TTBK1: variants seen among roughly 807,000 people sequenced by gnomAD.
The protein encoded by TTBK1 is tau-tubulin kinase 1.
A neutral mutation model predicts 108.5 loss-of-function variants in TTBK1; 34 were observed. That is an observed-to-expected ratio of 0.31 (90% CI 0.24 to 0.42). The LOEUF (loss-of-function observed/expected upper bound fraction) is 0.42, where lower values mean the gene tolerates loss of function less well. TTBK1 is among the 10% of genes least tolerant of loss of function. TTBK1 has a pLI of 1.00. For synonymous variants in TTBK1, 809 were observed against 795.1 expected (o/e 1.02, Z -0.29); for missense variants, 1,539 against 1,826.0 (o/e 0.84, Z 2.86).
chr6:43,263,430 G>A lies in TTBK1; in HGVS notation c.1986+80G>A, dbSNP rs1283587798. ...TGTAGGCCTGGGGTGCTCCATGTGT[G>A]CTGGCACTACTGACCAGTAAGCCAG... On this transcript the variant is annotated intron_variant, in intron 13 of 14. Transcript: ENST00000259750. This position sits in a 1 kb window ranked among gnomAD's most constrained non-coding sequence, Gnocchi z 4.7. The A allele has an allele frequency of 4.5e-6, 6 of 1,320,614 alleles. No homozygotes were observed. The highest frequency in any genetic ancestry group is 5.0e-6 in the Non-Finnish European group (5 of 996,472). The allele number at this position is 1,320,614 out of a possible 1,614,324, so 81.8% of individuals were successfully genotyped here.
chr6:43,270,354 G>A (rs1570222), intron 13 of TTBK1: 99,416 of 1,011,894 alleles, frequency 0.098, 8,114 homozygotes, highest in African/African-American at 0.4. Flanking sequence ...GTGATCTCTT[G>A]GCATGGCTGG....
intron 13 of TTBK1, chr6:43,270,463 G>T: frequency 1.0e-6 from 1 of 980,088 alleles, no homozygotes; most frequent in Non-Finnish European, 1.2e-6. Context: ...GTGTGTCCCT[G>T]TGTATGGATG....
chr6:43,254,995 G>A lies in TTBK1; in HGVS notation c.577-54G>A, dbSNP rs1418535261. 8 of 1,548,936 alleles carry A rather than the reference G, an allele frequency of 5.2e-6. No individual in the cohort carries two copies. The African/African-American group carries it at 9.5e-5, about 18-fold the overall frequency. On this transcript the variant is annotated intron_variant, in intron 6 of 14. Coordinates refer to ENST00000259750, the MANE Select transcript of TTBK1 (RefSeq NM_032538.3). ...TTAGACTTGGTGGCAGGGTTGAGAG[G>A]TGGCTGAGGTGAGGGCATGGTGGGT...
intron 13 of TTBK1, chr6:43,272,673 A>T (rs1264259630): frequency 2.0e-6 from 2 of 985,122 alleles, no homozygotes; most frequent in African/African-American, 3.5e-5. Context: ...TGACTCTTGG[A>T]GATTGTTAAG....
intron 1 of TTBK1, among the ~76,000 whole-genome samples, chr6:43,245,831 C>T (rs1441778546): frequency 6.6e-6 from 1 of 152,192 alleles, no homozygotes; most frequent in African/African-American, 2.4e-5. Flanking sequence ...CTCCTGCCTC[C>T]TGCTAGGCCC....
In TTBK1 at chr6:43,276,525, AC is replaced by A. The variant is rs1046513897; in HGVS notation, c.1987-6201del. On this transcript the variant is annotated intron_variant, in intron 13 of 14. Coordinates refer to ENST00000259750, the MANE Select transcript of TTBK1 (RefSeq NM_032538.3). This position sits in a 1 kb window ranked among gnomAD's most constrained non-coding sequence, Gnocchi z 5.4. ...CGCACCCACGCGCACACGGCCGCGC[AC>A]GGGCGGGGAGGGGGCGCCCCGCCGT... 6.6e-6 allele frequency among the ~76,000 whole-genome samples: 1 copy of A among 152,170 alleles called. No homozygotes were observed. Among genetic ancestry groups the A allele is most frequent in the African/African-American group, 2.4e-5 (1 of 41,454 alleles).
rs912461239 is a variant in TTBK1, at chr6:43,269,535, C to G, written c.1986+6185C>G. The G allele has an allele frequency of 1.5e-6, 2 of 1,310,086 alleles. No homozygotes were observed. The highest frequency in any genetic ancestry group is 6.2e-5 in the Admixed American group (2 of 32,364). 81.2% of individuals were successfully genotyped at this position (1,310,086 alleles called of 1,614,324 possible). A position where few individuals can be genotyped will look rare whatever the true frequency, so the allele number is the denominator to read the frequency against. The stretch of plus-strand genomic sequence containing the variant: ...CCCTGCCTGACCCCGCCCACTTGCC[C>G]GGGACGCCGGCGCCGCAGGGGCTGT... On this transcript the variant is annotated intron_variant, in intron 13 of 14. Transcript: ENST00000259750. The surrounding 1 kb of genome is among the most constrained non-coding windows in gnomAD (Gnocchi z 4.8).
chr6:43,264,574 G>C (rs1777627986), intron 13 of TTBK1, among the ~76,000 whole-genome samples: 1 of 152,174 alleles, frequency 6.6e-6, no homozygotes, highest in Non-Finnish European at 1.5e-5. Flanking sequence ...AGTGAGGGCA[G>C]AAGCTGAGAG....
rs370359466 is a variant in TTBK1, at chr6:43,255,756, A to G, written c.761A>G (p.Lys254Arg). 53 of 1,614,166 alleles carry G rather than the reference A, an allele frequency of 3.3e-5. 1 individual carries two copies. The Middle Eastern group carries it at 4.9e-4, about 15-fold the overall frequency. ...DKEQVGMIKE[K>R]YEHRMLLKHM... ...GAACAGGTAGGGATGATCAAGGAGA[A>G]GTATGAGCACCGGATGCTGCTGAAG... Residue 254 changes from lysine to arginine, a missense_variant, in exon 9 of 15, where the codon AAG becomes AGG. Lys to Arg is a conservative substitution (Grantham distance 26). Transcript: ENST00000259750.
rs142473813 is a variant in TTBK1, at chr6:43,257,901, C to T, written c.951C>T (p.Ala317=). 5.3e-4 allele frequency: 857 copies of T among 1,613,922 alleles called. 1 individual carries two copies. In the African/African-American group the frequency reaches 9.4e-3, roughly 18 times the overall value. ...ACTGGGAGAAGGCAGGCACCGATGCCCTCCTGTCCACGAGCACCTCTACCC... is the reference window on the plus strand; with the variant it reads ...ACTGGGAGAAGGCAGGCACCGATGCTCTCCTGTCCACGAGCACCTCTACCC... ...AFDWEKAGTD[A]LLSTSTSTPP... is the part of the protein sequence containing the mutation. The change falls in exon 10 of 15, where the codon GCC becomes GCT. Residue 317 remains alanine, a synonymous_variant. Coordinates refer to ENST00000259750, the MANE Select transcript of TTBK1 (RefSeq NM_032538.3). The surrounding 1 kb of genome is among the most constrained non-coding windows in gnomAD (Gnocchi z 4.5).
chr6:43,271,457 C>T (rs1562094184), intron 13 of TTBK1: 7 of 985,372 alleles, frequency 7.1e-6, no homozygotes, highest in Non-Finnish European at 8.4e-6. Flanking sequence ...TGTTAGGGAG[C>T]CAGAAAGATG....
At chr6:43,280,793 G>T (rs149567785) in intron 13 of TTBK1, among the ~76,000 whole-genome samples, 15 of 152,284 alleles carry the variant, frequency 9.9e-5, no homozygotes, top group Admixed American at 9.8e-4. Flanking sequence ...TGACAGGAAG[G>T]CTTTGTCTCC....
At chr6:43,256,513 C>T (rs1473379818) in intron 9 of TTBK1, among the ~76,000 whole-genome samples, 5 of 151,908 alleles carry the variant, frequency 3.3e-5, no homozygotes, top group Admixed American at 3.3e-4. Context: ...CCGAGGTGGG[C>T]AGATCACTTG....
Position 43,284,280 on chromosome 6 carries a change from G to A in TTBK1, c.3540G>A (p.Ala1180=), listed in dbSNP as rs764106848. 38 of 1,587,994 alleles carry A rather than the reference G, an allele frequency of 2.4e-5. No homozygotes were observed. The Admixed American group carries it at 4.5e-4, about 19-fold the overall frequency. The change falls in exon 14 of 15, where the codon GCG becomes GCA. Residue 1180 remains alanine (A), a synonymous_variant. Transcript: ENST00000259750. ...AGCCCGCCAGCAGATCCCATGGCGCGGCCCCAGCATTGGACACAGCCATCA... is the reference window on the plus strand; with the variant it reads ...AGCCCGCCAGCAGATCCCATGGCGCAGCCCCAGCATTGGACACAGCCATCA... ...AQQPASRSHG[A]APALDTAITS... is the part of the protein sequence containing the mutation.
In TTBK1 at chr6:43,246,665, AGTGCCTAGCGGCC is replaced by A; in HGVS notation, c.7_19del (p.Cys3ProfsTer8). ...ACCCCTCCCTCTGGCTGGCGGATGC[AGTGCCTAGCGGCC>A]GCCCTTAAGGACGAAACCAACATGA... On this transcript the variant is annotated frameshift_variant, in exon 2 of 15. Coordinates refer to ENST00000259750, the MANE Select transcript of TTBK1 (RefSeq NM_032538.3). LOFTEE classifies it high-confidence loss of function. 1 of 1,602,452 alleles carries A rather than the reference AGTGCCTAGCGGCC, an allele frequency of 6.2e-7. No homozygotes were observed. Among genetic ancestry groups the A allele is most frequent in the Non-Finnish European group, 8.5e-7 (1 of 1,173,964 alleles).
chr6:43,255,013 T>C (rs1300566961), intron 6 of TTBK1, 36 bp from the exon 7 acceptor site: 8 of 1,604,702 alleles, frequency 5.0e-6, no homozygotes, highest in Admixed American at 1.7e-5. Flanking sequence ...GGTGAGGGCA[T>C]GGTGGGTGAC....
chr6:43,248,702 G>A (rs58964281), intron 2 of TTBK1, among the ~76,000 whole-genome samples: 35,632 of 151,994 alleles, frequency 0.23, 4,352 homozygotes, highest in East Asian at 0.38. Context: ...CAGCCTGGGC[G>A]ACAGAGCAAG....
At position 43,259,048 on chromosome 6, in the gene TTBK1, G is replaced by A. The variant is rs1777452577; in HGVS notation, c.1027G>A (p.Val343Met). ...TCCTGCCCTCTCCAGGGTGGTCAAT[G>A]TGACGCCAGTGCCTGGGGACCTGCT... is the stretch of plus-strand genomic sequence containing the variant. ...QTAAMFGVVN[V>M]TPVPGDLLRE... Residue 343 changes from valine to methionine, a missense_variant, in exon 11 of 15, where the codon GTG (valine) becomes ATG (methionine). Physicochemically the swap from Val to Met is conservative, Grantham distance 21 (BLOSUM62 1). Coordinates refer to ENST00000259750, the MANE Select transcript of TTBK1 (RefSeq NM_032538.3). The surrounding 1 kb of genome is among the most constrained non-coding windows in gnomAD (Gnocchi z 6.7). 10 of 1,612,004 alleles carry A rather than the reference G, an allele frequency of 6.2e-6. No individual in the cohort carries two copies. The highest frequency in any genetic ancestry group is 8.5e-6 in the Non-Finnish European group (10 of 1,178,864).
At chr6:43,250,239 G>T (rs1241391172) in intron 2 of TTBK1, among the ~76,000 whole-genome samples, 1 of 151,948 alleles carries the variant, frequency 6.6e-6, no homozygotes, top group Non-Finnish European at 1.5e-5. Context: ...GCAGATCTGG[G>T]CTTGAATCTC....
Sources: allele counts gnomAD v4.1 joint callset (sites outside exome capture counted in the v4.1 genomes callset), GRCh38; gene constraint gnomAD v4.1.1; non-coding constraint Gnocchi (gnomAD v3.1); transcripts MANE v1.5; gene names NCBI Gene and HGNC (gene_info 2026-07-23, HGNC 2026-07-21).